PCDHGB1: variants seen among roughly 807,000 people sequenced by gnomAD.
PCDHGB1 encodes protocadherin gamma subfamily B, 1, also known as protocadherin gamma-B1.
Under a neutral mutation model 56.6 loss-of-function variants are expected in PCDHGB1, and 34 were observed. That is an observed-to-expected ratio of 0.60 (90% CI 0.46 to 0.80). The LOEUF (loss-of-function observed/expected upper bound fraction) is 0.80, where lower values mean the gene tolerates loss of function less well. PCDHGB1 is among the 30% of genes least tolerant of loss of function. PCDHGB1 has a pLI of 0.00. For synonymous variants in PCDHGB1, 561 were observed against 505.9 expected (o/e 1.11, Z -1.46); for missense variants, 1,278 against 1,204.6 (o/e 1.06, Z -0.90).
At chr5:141,398,980 G>T in intron 1 of PCDHGB1, 1 of 1,613,860 alleles carries the variant, frequency 6.2e-7, no homozygotes, top group Non-Finnish European at 8.5e-7. Context: ...CTACAGAACC[G>T]GGCAAATCTT....
chr5:141,434,509 T>C (rs1480014539), intron 1 of PCDHGB1, among the ~76,000 whole-genome samples: 3 of 152,232 alleles, frequency 2.0e-5, no homozygotes, highest in Non-Finnish European at 4.4e-5. Context: ...AGAAAACTGC[T>C]TAAAGGTGTT....
At position 141,495,662 on chromosome 5, in the gene PCDHGB1, C is replaced by T. The variant is rs545912968; in HGVS notation, c.2468+797C>T. The stretch of plus-strand genomic sequence containing the variant: ...TTTGTCTACTTGCATTGATCTGTGC[C>T]GCCCACTGTGCCTGCCATGGCATAA... On this transcript the variant is annotated intron_variant, in intron 2 of 3. Coordinates refer to ENST00000523390, the MANE Select transcript of PCDHGB1 (RefSeq NM_018922.3). Among the ~76,000 whole-genome samples, 8 of 152,256 alleles carry T rather than the reference C, an allele frequency of 5.3e-5. No individual in the cohort carries two copies. In the South Asian group the frequency reaches 6.2e-4, roughly 12 times the overall value.
In PCDHGB1 at chr5:141,491,219, C is replaced by T; in HGVS notation, c.2410-3588C>T. ...GGTGACCCTTCACTCTCCTCCACAG[C>T]CACAGTGCTGCTGGTTCTGGAGGAT... is the stretch of plus-strand genomic sequence containing the variant. On this transcript the variant is annotated intron_variant, in intron 1 of 3. Coordinates refer to ENST00000523390, the MANE Select transcript of PCDHGB1 (RefSeq NM_018922.3). The surrounding 1 kb of genome is among the most constrained non-coding windows in gnomAD (Gnocchi z 6.9). 3 of 1,614,208 alleles carry T rather than the reference C, an allele frequency of 1.9e-6. No homozygotes were observed. The highest frequency in any genetic ancestry group is 2.5e-6 in the Non-Finnish European group (3 of 1,180,028).
intron 1 of PCDHGB1, chr5:141,370,553 C>G: frequency 6.2e-7 from 1 of 1,613,810 alleles, no homozygotes; most frequent in Non-Finnish European, 8.5e-7. Context: ...TCGCCAAGGA[C>G]CTGGGGTTTG....
intron 1 of PCDHGB1, chr5:141,430,641 T>G: frequency 1.1e-6 from 1 of 902,670 alleles, no homozygotes. Context: ...TCCCTGGGAG[T>G]ATGTGGAAAC....
intron 1 of PCDHGB1, chr5:141,376,682 T>TTTTTTTTG (rs1773145441): frequency 1.3e-6 from 1 of 786,082 alleles, no homozygotes; most frequent in African/African-American, 1.9e-5. Flanking sequence ...TATCGTTTTT[T>TTTTTTTTG]TTTTTTTTTT....
chr5:141,383,400 C>G (rs999894916), intron 1 of PCDHGB1: 4 of 1,614,020 alleles, frequency 2.5e-6, no homozygotes, highest in Non-Finnish European at 1.7e-6. Context: ...CGAACTCCCT[C>G]CAGAGTTACC....
Position 141,432,075 on chromosome 5 carries a change from C to T in PCDHGB1, c.2410-62732C>T. On this transcript the variant is annotated intron_variant, in intron 1 of 3. Transcript: ENST00000523390. The surrounding 1 kb of genome is among the most constrained non-coding windows in gnomAD (Gnocchi z 6.0). ...CCCCTATCCACGGAAACTCATATCT[C>T]GCTGAACGTGGCAGACACCAACGAC... 3 of 1,614,204 alleles carry T rather than the reference C, an allele frequency of 1.9e-6. No homozygotes were observed. Among genetic ancestry groups the T allele is most frequent in the Non-Finnish European group, 2.5e-6 (3 of 1,180,046 alleles).
Position 141,490,522 on chromosome 5 carries a change from G to A in PCDHGB1, c.2410-4285G>A, listed in dbSNP as rs191201177. ...CTATATCATCGAGCTGCTGGCCAGC[G>A]ATGCTGGTTCACCTTCCCTACACAA... On this transcript the variant is annotated intron_variant, in intron 1 of 3. Transcript: ENST00000523390. This position sits in a 1 kb window ranked among gnomAD's most constrained non-coding sequence, Gnocchi z 5.4. 5.0e-6 allele frequency: 8 copies of A among 1,614,054 alleles called. No homozygotes were observed. Among genetic ancestry groups the A allele is most frequent in the Admixed American group, 3.3e-5 (2 of 60,010 alleles).
intron 2 of PCDHGB1, among the ~76,000 whole-genome samples, chr5:141,498,397 G>A (rs1019408022): frequency 1.3e-5 from 2 of 152,136 alleles, no homozygotes; most frequent in African/African-American, 4.8e-5. Flanking sequence ...GAATGGCAGG[G>A]AGTTTTCTCT....
chr5:141,393,865 C>G lies in PCDHGB1; in HGVS notation c.2409+41196C>G, dbSNP rs770874961. The G allele has an allele frequency of 4.3e-6, 7 of 1,613,838 alleles. No individual in the cohort carries two copies. In the African/African-American group the frequency reaches 8.0e-5, roughly 18 times the overall value. ...AATAGACCAGAAGTGATCATTACGT[C>G]TTTGTTTAGCCCAGTGTTAGAAAAT... On this transcript the variant is annotated intron_variant, in intron 1 of 3. Transcript: ENST00000523390.
At chr5:141,361,680 C>A in intron 1 of PCDHGB1, 1 of 1,613,576 alleles carries the variant, frequency 6.2e-7, no homozygotes, top group Non-Finnish European at 8.5e-7. Context: ...GGGTGGTGTT[C>A]GCGCAGCGCG....
In PCDHGB1 at chr5:141,491,841, A is replaced by T. The variant is rs995010359; in HGVS notation, c.2410-2966A>T. The T allele has an allele frequency of 1.4e-6, 2 of 1,465,172 alleles. No homozygotes were observed. The highest frequency in any genetic ancestry group is 1.4e-5 in the African/African-American group (1 of 69,948). 90.8% of individuals were successfully genotyped at this position (1,465,172 alleles called of 1,614,324 possible). ...TGCGCTCCACCCGATTCTCGGGATC[A>T]TTGGACCGTTTGCGCGAAACCAGAG... is the stretch of plus-strand genomic sequence containing the variant. On this transcript the variant is annotated intron_variant, in intron 1 of 3. Transcript: ENST00000523390. The surrounding 1 kb of genome is among the most constrained non-coding windows in gnomAD (Gnocchi z 6.9).
At chr5:141,470,838 C>T (rs142581300) in intron 1 of PCDHGB1, among the ~76,000 whole-genome samples, 5 of 152,222 alleles carry the variant, frequency 3.3e-5, no homozygotes, top group African/African-American at 7.2e-5. Flanking sequence ...CAAACACACG[C>T]CACCATGCTC....
In PCDHGB1 at chr5:141,398,481, C is replaced by T. The variant is rs377302058; in HGVS notation, c.2409+45812C>T. ...CTGAAAATCCACTGAACTTTTATCACGTGAATGTGGAGATCGAGGACATTA... is the reference window on the plus strand; with the variant it reads ...CTGAAAATCCACTGAACTTTTATCATGTGAATGTGGAGATCGAGGACATTA... On this transcript the variant is annotated intron_variant, in intron 1 of 3. Transcript: ENST00000523390. The T allele has an allele frequency of 6.8e-6, 11 of 1,607,008 alleles. No individual in the cohort carries two copies. In the African/African-American group the frequency reaches 8.1e-5, roughly 12 times the overall value.
intron 1 of PCDHGB1, chr5:141,393,020 A>G: frequency 2.5e-6 from 4 of 1,613,760 alleles, no homozygotes; most frequent in Non-Finnish European, 3.4e-6. Flanking sequence ...TCGTCTCCAG[A>G]GGTAGGACGC....
At chr5:141,499,025 G>A (rs561539084) in intron 2 of PCDHGB1, among the ~76,000 whole-genome samples, 4 of 140,712 alleles carry the variant, frequency 2.8e-5, no homozygotes, top group Admixed American at 1.4e-4. Context: ...AGGAAGGAAG[G>A]AAGAAAAGAA....
intron 2 of PCDHGB1, 22 bp from the exon 3 acceptor site, chr5:141,505,371 C>G: frequency 1.2e-6 from 2 of 1,613,980 alleles, no homozygotes; most frequent in Non-Finnish European, 1.7e-6. Context: ...AGTCTGTGCT[C>G]ACCATCCTAC....
intron 1 of PCDHGB1, among the ~76,000 whole-genome samples, chr5:141,353,291 A>C (rs1759238181): frequency 6.6e-6 from 1 of 152,126 alleles, no homozygotes; most frequent in South Asian, 2.1e-4. Flanking sequence ...TTTTATTCTT[A>C]GCTCTTTATA....
Sources: gnomAD v4.1 joint callset for allele counts (sites outside exome capture counted in the v4.1 genomes callset) on GRCh38, gnomAD v4.1.1 for gene constraint, Gnocchi (gnomAD v3.1) non-coding constraint, MANE v1.5 for transcripts, NCBI Gene and HGNC (gene_info 2026-07-23, HGNC 2026-07-21) for gene names.